PDE4B: variants seen among roughly 807,000 people sequenced by gnomAD.
The protein encoded by PDE4B is 3',5'-cyclic-AMP phosphodiesterase 4B.
In PDE4B, 20 loss-of-function variants were observed where a neutral mutation model predicts 82.2. The observed-to-expected ratio is 0.24, with a 90% CI of 0.17 to 0.35. PDE4B has a LOEUF of 0.35. Among genes scored for constraint, PDE4B ranks in the 10% least tolerant of loss-of-function variants. The probability of loss-of-function intolerance (pLI) is 1.00; values close to 1 mark genes in which losing one functional copy is unlikely to be tolerated. For missense variants in PDE4B, 655 were observed against 907.2 expected, an observed-to-expected ratio of 0.72 and a Z score of 3.57; for synonymous variants, 320 against 318.9, an observed-to-expected ratio of 1.00 and a Z score of -0.04.
At chr1:66,093,704 T>C (rs1468233131) in intron 3 of PDE4B, among the ~76,000 whole-genome samples, 1 of 152,128 alleles carries the variant, frequency 6.6e-6, no homozygotes, top group African/African-American at 2.4e-5. Context: ...CACTTATTTA[T>C]GTATTTATTT....
intron 3 of PDE4B, among the ~76,000 whole-genome samples, chr1:66,162,305 C>CTTTTTTTTTTTT (rs1168144080): frequency 0.01 from 419 of 40,318 alleles, 87 homozygotes; most frequent in East Asian, 0.016. Flanking sequence ...ATGGACTTCT[C>CTTTTTTTTTTTT]TTTTTTTTTT....
intron 1 of PDE4B, among the ~76,000 whole-genome samples, chr1:65,880,182 C>A (rs948554440): frequency 2.0e-5 from 3 of 152,296 alleles, no homozygotes; most frequent in Middle Eastern, 6.8e-3. Context: ...AATACCTGGT[C>A]AAGAGCAGTC....
intron 3 of PDE4B, among the ~76,000 whole-genome samples, chr1:66,002,998 C>G (rs527474591): frequency 1.6e-4 from 24 of 152,070 alleles, no homozygotes; most frequent in Admixed American, 3.3e-4. Flanking sequence ...AATTATCTGA[C>G]TAAATCTCTA....
intron 7 of PDE4B, among the ~76,000 whole-genome samples, chr1:66,322,414 C>G (rs1659466428): frequency 6.6e-6 from 1 of 151,944 alleles, no homozygotes; most frequent in Non-Finnish European, 1.5e-5. Context: ...TGCACTCTAC[C>G]CATCTGACAA....
intron 4 of PDE4B, among the ~76,000 whole-genome samples, chr1:66,253,845 A>G (rs985676652): frequency 2.0e-5 from 3 of 152,190 alleles, no homozygotes; most frequent in Non-Finnish European, 2.9e-5. Context: ...GTTTAAGGGA[A>G]CCAATGCTGG....
intron 1 of PDE4B, among the ~76,000 whole-genome samples, chr1:65,829,590 T>C (rs1446180222): frequency 6.6e-6 from 1 of 152,208 alleles, no homozygotes; most frequent in Non-Finnish European, 1.5e-5. Flanking sequence ...ATAGAAGTTA[T>C]ACTAAGTTGG....
intron 1 of PDE4B, among the ~76,000 whole-genome samples, chr1:65,798,914 T>TC: frequency 6.6e-6 from 1 of 152,362 alleles, no homozygotes; most frequent in South Asian, 2.1e-4. Flanking sequence ...CATTTTTTTT[T>TC]CAAGTTATCT....
At chr1:66,268,623 G>C (rs1454917253) in intron 7 of PDE4B, among the ~76,000 whole-genome samples, 4 of 124,280 alleles carry the variant, frequency 3.2e-5, no homozygotes, top group Non-Finnish European at 4.7e-5. Flanking sequence ...AGCCGAGATC[G>C]CACCACTGAA....
chr1:66,030,911 A>G (rs946639074), intron 3 of PDE4B, among the ~76,000 whole-genome samples: 8 of 152,210 alleles, frequency 5.3e-5, no homozygotes, highest in Non-Finnish European at 4.4e-5. Flanking sequence ...CTAAGCATTT[A>G]ATACTCATGA....
chr1:66,193,594 T>G (rs1648011268), intron 3 of PDE4B, among the ~76,000 whole-genome samples: 1 of 152,282 alleles, frequency 6.6e-6, no homozygotes, highest in African/African-American at 2.4e-5. Flanking sequence ...TGGTTTGGAA[T>G]TCTTATGAAG....
chr1:65,949,930 C>G (rs1427559195), intron 3 of PDE4B, among the ~76,000 whole-genome samples: 2 of 152,006 alleles, frequency 1.3e-5, no homozygotes, highest in Admixed American at 6.6e-5. Flanking sequence ...CTTCAGGGCT[C>G]TAAGTTTGTG....
At chr1:66,214,497 A>T (rs1650303542) in intron 3 of PDE4B, among the ~76,000 whole-genome samples, 1 of 152,176 alleles carries the variant, frequency 6.6e-6, no homozygotes, top group South Asian at 2.1e-4. Context: ...TATTGCATCA[A>T]TTCTATGATA....
In PDE4B at chr1:66,334,782, G is replaced by C. The variant is rs1385003063; in HGVS notation, c.747+2162G>C. Among the ~76,000 whole-genome samples, 3 of 152,254 alleles carry C rather than the reference G, an allele frequency of 2.0e-5. No individual in the cohort carries two copies. The East Asian group carries it at 5.8e-4, about 29-fold the overall frequency. ...CAGATAATTGTCTCAGGTTAAGCTTGAGCATAACATGCACCATGACACATA... is the reference window on the plus strand; with the variant it reads ...CAGATAATTGTCTCAGGTTAAGCTTCAGCATAACATGCACCATGACACATA... On this transcript the variant is annotated intron_variant, in intron 8 of 16. Coordinates refer to ENST00000341517, the MANE Select transcript of PDE4B (RefSeq NM_002600.4).
intron 3 of PDE4B, among the ~76,000 whole-genome samples, chr1:65,926,183 A>G (rs1024901956): frequency 6.6e-6 from 1 of 152,190 alleles, no homozygotes; most frequent in Admixed American, 6.5e-5. Context: ...TTTGACGTCC[A>G]TTATGCACCT....
chr1:66,191,955 C>T (rs188659172), intron 3 of PDE4B, among the ~76,000 whole-genome samples: 15 of 152,230 alleles, frequency 9.9e-5, no homozygotes, highest in Admixed American at 2.0e-4. Flanking sequence ...TTATCTCCCA[C>T]GGGTCCCTCC....
intron 3 of PDE4B, among the ~76,000 whole-genome samples, chr1:65,975,184 C>G (rs1249966374): frequency 2.0e-5 from 3 of 152,284 alleles, no homozygotes; most frequent in South Asian, 2.1e-4. Flanking sequence ...TTATTCAGAA[C>G]TGGAGTAAAG....
chr1:66,213,237 G>A (rs1650206471), intron 3 of PDE4B, among the ~76,000 whole-genome samples: 5 of 152,154 alleles, frequency 3.3e-5, no homozygotes, highest in Admixed American at 6.6e-5. Flanking sequence ...AAAGAACCAA[G>A]ATACCTTGAC....
intron 3 of PDE4B, among the ~76,000 whole-genome samples, chr1:66,016,293 T>C (rs1652771793): frequency 6.6e-6 from 1 of 152,142 alleles, no homozygotes; most frequent in South Asian, 2.1e-4. Flanking sequence ...GTCTCAAAGG[T>C]TAGAGAGAAT....
At chr1:66,329,746 T>C (rs1014932722) in intron 7 of PDE4B, among the ~76,000 whole-genome samples, 3 of 152,228 alleles carry the variant, frequency 2.0e-5, no homozygotes, top group African/African-American at 7.2e-5. Context: ...ATTTTATCCT[T>C]CTTCTACAGA....
Sources: allele counts gnomAD v4.1 joint callset (sites outside exome capture counted in the v4.1 genomes callset), GRCh38; gene constraint gnomAD v4.1.1; transcripts MANE v1.5; gene names NCBI Gene and HGNC (gene_info 2026-07-23, HGNC 2026-07-21).